The following GALNT18 variants were observed in gnomAD, a reference collection of about 807,000 sequenced individuals.
GALNT18 encodes the protein polypeptide N-acetylgalactosaminyltransferase 18.
A neutral mutation model predicts 69.5 loss-of-function variants in GALNT18; 44 were observed. That is an observed-to-expected ratio of 0.63 (90% CI 0.50 to 0.81). GALNT18 has a LOEUF of 0.81. Among genes scored for constraint, GALNT18 ranks in the 40% least tolerant of loss-of-function variants. GALNT18 has a pLI of 0.00. For synonymous variants in GALNT18, 364 were observed against 318.2 expected (o/e 1.14, Z -1.53); for missense variants, 715 against 810.0 (o/e 0.88, Z 1.42).
chr11:11,362,533 G>A (rs1389008496), intron 6 of GALNT18, among the ~76,000 whole-genome samples: 2 of 152,034 alleles, frequency 1.3e-5, no homozygotes, highest in African/African-American at 2.4e-5. Context: ...CCAAAGATAC[G>A]AACAGCTTAC....
intron 5 of GALNT18, among the ~76,000 whole-genome samples, chr11:11,375,384 C>T (rs142157826): frequency 6.0e-4 from 91 of 152,292 alleles, no homozygotes; most frequent in African/African-American, 2.1e-3. Flanking sequence ...TGCAGGCTTG[C>T]TGATTGAGAC....
At chr11:11,343,171 T>G (rs1455364705) in intron 6 of GALNT18, among the ~76,000 whole-genome samples, 1 of 151,876 alleles carries the variant, frequency 6.6e-6, no homozygotes, top group East Asian at 1.9e-4. Flanking sequence ...TGGTGAGACC[T>G]CATCTCTGCT....
At chr11:11,550,404 G>A (rs1327470683) in intron 1 of GALNT18, among the ~76,000 whole-genome samples, 2 of 152,226 alleles carry the variant, frequency 1.3e-5, no homozygotes, top group African/African-American at 2.4e-5. Flanking sequence ...TTAGCACTCT[G>A]CAGTTGGGGA....
At chr11:11,407,300 A>G (rs1854611204) in intron 3 of GALNT18, among the ~76,000 whole-genome samples, 1 of 152,230 alleles carries the variant, frequency 6.6e-6, no homozygotes, top group African/African-American at 2.4e-5. Context: ...CTGACAGACC[A>G]GGCAAAAGGC....
chr11:11,432,921 A>C lies in GALNT18; in HGVS notation c.429-134T>G. 2 of 769,016 alleles carry C rather than the reference A, an allele frequency of 2.6e-6. No homozygotes were observed. Among genetic ancestry groups the C allele is most frequent in the Non-Finnish European group, 4.1e-6 (2 of 486,910 alleles). The allele number at this position is 769,016 out of a possible 1,614,324, so 47.6% of individuals were successfully genotyped here. A position where few individuals can be genotyped will look rare whatever the true frequency, so the allele number is the denominator to read the frequency against. On this transcript the variant is annotated intron_variant, in intron 2 of 10. Coordinates refer to ENST00000227756, the MANE Select transcript of GALNT18 (RefSeq NM_198516.3). This position sits in a 1 kb window ranked among gnomAD's most constrained non-coding sequence, Gnocchi z 5.8. ...GATTCTTCCAAGGGCCCCTTCTTTGATGCACTTAAGATGAGCCCTAAATGT... is the reference window on the plus strand; with the variant it reads ...GATTCTTCCAAGGGCCCCTTCTTTGCTGCACTTAAGATGAGCCCTAAATGT...
At chr11:11,478,180 T>C (rs1173725590) in intron 1 of GALNT18, among the ~76,000 whole-genome samples, 1 of 152,176 alleles carries the variant, frequency 6.6e-6, no homozygotes, top group African/African-American at 2.4e-5. Context: ...AAAACCTGGA[T>C]AGTATCAGAC....
chr11:11,356,700 A>G lies in GALNT18; in HGVS notation c.1093-15696T>C, dbSNP rs906643982. ...AATTGTTACCTCGTTTGTGCATGTT[A>G]TTAATCTCTCTTTTATACAGCTCCC... On this transcript the variant is annotated intron_variant, in intron 6 of 10. Coordinates refer to ENST00000227756, the MANE Select transcript of GALNT18 (RefSeq NM_198516.3). This position sits in a 1 kb window ranked among gnomAD's most constrained non-coding sequence, Gnocchi z 4.4. Among the ~76,000 whole-genome samples the G allele has an allele frequency of 1.3e-5, 2 of 152,096 alleles. No individual in the cohort carries two copies. The highest frequency in any genetic ancestry group is 4.8e-5 in the African/African-American group (2 of 41,406).
intron 3 of GALNT18, among the ~76,000 whole-genome samples, chr11:11,410,680 C>T (rs993729941): frequency 1.3e-5 from 2 of 152,168 alleles, no homozygotes; most frequent in Admixed American, 6.5e-5. Flanking sequence ...ATAATATGCA[C>T]ACTAAGAGGC....
chr11:11,343,228 G>T (rs1850242728), intron 6 of GALNT18, among the ~76,000 whole-genome samples: 1 of 152,008 alleles, frequency 6.6e-6, no homozygotes, highest in Non-Finnish European at 1.5e-5. Context: ...CGTGCCTGTA[G>T]TCCCAGCAAC....
At chr11:11,311,121 T>C (rs76246030) in intron 9 of GALNT18, among the ~76,000 whole-genome samples, 5,120 of 152,174 alleles carry the variant, frequency 0.034, 253 homozygotes, top group African/African-American at 0.11. Flanking sequence ...ATGGTAAGCA[T>C]CCTACATTGA....
chr11:11,515,902 A>G (rs1389970219), intron 1 of GALNT18, among the ~76,000 whole-genome samples: 1 of 152,208 alleles, frequency 6.6e-6, no homozygotes, highest in East Asian at 1.9e-4. Flanking sequence ...GGGTCCCTCA[A>G]CGGGAGAGAG....
At chr11:11,271,485 A>G (rs79737848) in intron 10 of GALNT18, among the ~76,000 whole-genome samples, 195 bp from the exon 11 acceptor site, 1,911 of 152,010 alleles carry the variant, frequency 0.013, 30 homozygotes, top group African/African-American at 0.043. Context: ...AATATGTGCC[A>G]CAGCTGTCTT....
Position 11,542,321 on chromosome 11 carries a change from A to G in GALNT18, c.235+79038T>C, listed in dbSNP as rs1260037143. Among the ~76,000 whole-genome samples the G allele has an allele frequency of 6.6e-6, 1 of 152,160 alleles. No individual in the cohort carries two copies. Among genetic ancestry groups the G allele is most frequent in the Non-Finnish European group, 1.5e-5 (1 of 68,036 alleles). On this transcript the variant is annotated intron_variant, in intron 1 of 10. Coordinates refer to ENST00000227756, the MANE Select transcript of GALNT18 (RefSeq NM_198516.3). The surrounding 1 kb of genome is among the most constrained non-coding windows in gnomAD (Gnocchi z 4.3). ...CCCTACCAGATAGAGCAAGCCATGG[A>G]CAGACGCCTCCATGCTACCATAGCA... is the stretch of plus-strand genomic sequence containing the variant.
Position 11,341,152 on chromosome 11 carries a change from A to G in GALNT18, c.1093-148T>C. On this transcript the variant is annotated intron_variant, in intron 6 of 10. Coordinates refer to ENST00000227756, the MANE Select transcript of GALNT18 (RefSeq NM_198516.3). This position sits in a 1 kb window ranked among gnomAD's most constrained non-coding sequence, Gnocchi z 6.3. ...CACTCTCTGTGAAGGAGTAGGCCATACCTGATTTCTGCTCCTATAGCAGCA... is the reference window on the plus strand; with the variant it reads ...CACTCTCTGTGAAGGAGTAGGCCATGCCTGATTTCTGCTCCTATAGCAGCA... 1.6e-6 allele frequency: 1 copy of G among 637,324 alleles called. No homozygotes were observed. Among genetic ancestry groups the G allele is most frequent in the South Asian group, 2.4e-5 (1 of 41,428 alleles). The allele number at this position is 637,324 out of a possible 1,614,324, so 39.5% of individuals were successfully genotyped here. A position where few individuals can be genotyped will look rare whatever the true frequency, so the allele number is the denominator to read the frequency against.
At position 11,451,071 on chromosome 11, in the gene GALNT18, G is replaced by A. The variant is rs115839551; in HGVS notation, c.236-2135C>T. ...AAATTTAAACAGATTAGGATATACT[G>A]AAGAATAAAATGCAAACTATGCAAA... On this transcript the variant is annotated intron_variant, in intron 1 of 10. Transcript: ENST00000227756. 7.8e-3 allele frequency among the ~76,000 whole-genome samples: 1,186 copies of A among 152,214 alleles called. 17 individuals are homozygous for A. The highest frequency in any genetic ancestry group is 0.027 in the African/African-American group (1,130 of 41,536).
At position 11,563,132 on chromosome 11, in the gene GALNT18, C is replaced by T. The variant is rs181877941; in HGVS notation, c.235+58227G>A. On this transcript the variant is annotated intron_variant, in intron 1 of 10. Transcript: ENST00000227756. This position sits in a 1 kb window ranked among gnomAD's most constrained non-coding sequence, Gnocchi z 4.6. ...CCCCCCACCACACCCCACAGAGTGCCCTCAAACAGTGGAGGAGCAGCTGCT... is the reference window on the plus strand; with the variant it reads ...CCCCCCACCACACCCCACAGAGTGCTCTCAAACAGTGGAGGAGCAGCTGCT... Among the ~76,000 whole-genome samples the T allele has an allele frequency of 2.8e-4, 43 of 152,288 alleles. No individual in the cohort carries two copies. In the East Asian group the frequency reaches 7.9e-3, roughly 28 times the overall value.
Position 11,598,210 on chromosome 11 carries a change from T to C in GALNT18, c.235+23149A>G, listed in dbSNP as rs908319821. On this transcript the variant is annotated intron_variant, in intron 1 of 10. Coordinates refer to ENST00000227756, the MANE Select transcript of GALNT18 (RefSeq NM_198516.3). This position sits in a 1 kb window ranked among gnomAD's most constrained non-coding sequence, Gnocchi z 4.8. ...TAATCTATAATAAATTACTATAATC[T>C]ATAATAATCTATAACAAATTATAAC... Among the ~76,000 whole-genome samples the C allele has an allele frequency of 2.0e-5, 3 of 151,762 alleles. No individual in the cohort carries two copies. Among genetic ancestry groups the C allele is most frequent in the Non-Finnish European group, 4.4e-5 (3 of 68,030 alleles).
chr11:11,420,171 C>T (rs565056133), intron 3 of GALNT18, among the ~76,000 whole-genome samples: 30 of 151,834 alleles, frequency 2.0e-4, no homozygotes, highest in African/African-American at 6.3e-4. Flanking sequence ...CCAAAACTGG[C>T]TTCCCAGTCA....
chr11:11,455,719 T>C (rs1335796478), intron 1 of GALNT18, among the ~76,000 whole-genome samples: 2 of 152,194 alleles, frequency 1.3e-5, no homozygotes, highest in Non-Finnish European at 2.9e-5. Context: ...GGATTAGCGT[T>C]ATTATTTGGA....
Sources: allele counts gnomAD v4.1 joint callset (sites outside exome capture counted in the v4.1 genomes callset), GRCh38; gene constraint gnomAD v4.1.1; non-coding constraint Gnocchi (gnomAD v3.1); transcripts MANE v1.5; gene names NCBI Gene and HGNC (gene_info 2026-07-23, HGNC 2026-07-21).